Variants in TRHDE observed in about 807,000 individuals in gnomAD.
TRHDE encodes thyrotropin-releasing hormone-degrading ectoenzyme.
TRHDE carries 72 observed loss-of-function variants against 125.7 expected under a neutral mutation model. The observed-to-expected ratio is 0.57, with a 90% confidence interval of 0.47 to 0.70. The LOEUF (loss-of-function observed/expected upper bound fraction) is 0.70. Among genes scored for constraint, TRHDE ranks in the 30% least tolerant of loss-of-function variants. The pLI is 0.00. For synonymous variants in TRHDE, 509 were observed against 509.1 expected (o/e 1.00, Z 0.00); for missense variants, 1,110 against 1,327.1 (o/e 0.84, Z 2.54).
chr12:72,265,706 G>A (rs1330773418), intron 2 of TRHDE, among the ~76,000 whole-genome samples: 1 of 151,788 alleles, frequency 6.6e-6, no homozygotes, highest in Non-Finnish European at 1.5e-5. Flanking sequence ...TATAATTATT[G>A]TTGTATATTT....
intron 2 of TRHDE, chr12:72,303,263 TA>T (rs1341313667): frequency 6.6e-6 from 1 of 152,130 alleles, no homozygotes; most frequent in African/African-American, 2.4e-5. Flanking sequence ...CATTCCCTTT[TA>T]ATATTAGGAA....
At chr12:72,612,500 T>C (rs1480580765) in intron 12 of TRHDE, among the ~76,000 whole-genome samples, 1 of 152,212 alleles carries the variant, frequency 6.6e-6, no homozygotes, top group African/African-American at 2.4e-5. Flanking sequence ...AGCTTGCTTG[T>C]CAGTCCTGGC....
intron 2 of TRHDE, among the ~76,000 whole-genome samples, chr12:72,166,245 T>C (rs990069833): frequency 6.6e-6 from 1 of 152,222 alleles, no homozygotes; most frequent in Non-Finnish European, 1.5e-5. Flanking sequence ...CTGCCATATA[T>C]GTGGTTCATT....
At chr12:72,485,025 A>T (rs1877337715) in intron 5 of TRHDE, among the ~76,000 whole-genome samples, 1 of 152,084 alleles carries the variant, frequency 6.6e-6, no homozygotes, top group Non-Finnish European at 1.5e-5. Flanking sequence ...ACCAGGAGGG[A>T]CTTCTTCCTG....
rs1213834660 is a variant in TRHDE at position 72,665,841 on chromosome 12, G to T, written c.*2646G>T. The T allele has an allele frequency of 6.6e-6, 1 of 151,974 alleles. No homozygotes were observed. The allele number at this position is 151,974 out of a possible 1,614,324, so 9.4% of individuals were successfully genotyped here. On this transcript the variant is annotated 3_prime_UTR_variant, in exon 19 of 19. Coordinates refer to ENST00000261180, the MANE Select transcript of TRHDE (RefSeq NM_013381.3). ...TTTCCAGGTAACTCGTAAATAAAAA[G>T]ATTTCCCCATTTTTACACATTTTTT...
intron 12 of TRHDE, among the ~76,000 whole-genome samples, chr12:72,605,674 G>T (rs933140496): frequency 6.6e-6 from 1 of 152,104 alleles, no homozygotes; most frequent in Admixed American, 6.6e-5. Context: ...GGCAGGAAAA[G>T]ATCACTTTAA....
chr12:72,338,289 C>T (rs1418796908), intron 2 of TRHDE, among the ~76,000 whole-genome samples: 1 of 152,138 alleles, frequency 6.6e-6, no homozygotes, highest in Non-Finnish European at 1.5e-5. Context: ...GATTGTTTTT[C>T]TGCTTGGCAG....
In TRHDE at chr12:72,403,520, T is replaced by A. The variant is rs544033238; in HGVS notation, c.1315+25399T>A. Among the ~76,000 whole-genome samples the A allele has an allele frequency of 2.0e-5, 3 of 152,284 alleles. 1 individual carries two copies. In the South Asian group the frequency reaches 6.2e-4, roughly 32 times the overall value. The stretch of plus-strand genomic sequence containing the variant: ...TTTCACATATTTTCCGTGAGGAAAC[T>A]GAGGCTCAGAAAAATTAAAAGCTTG... On this transcript the variant is annotated intron_variant, in intron 3 of 18. Coordinates refer to ENST00000261180, the MANE Select transcript of TRHDE (RefSeq NM_013381.3).
Position 72,663,095 on chromosome 12 carries a change from C to CT in TRHDE, c.3113dup (p.Ser1039LeufsTer47). 1 of 1,612,980 alleles carries CT rather than the reference C, an allele frequency of 6.2e-7. No individual in the cohort carries two copies. Among genetic ancestry groups the CT allele is most frequent in the Non-Finnish European group, 8.5e-7 (1 of 1,179,388 alleles). ...AACTATGATGGGGTAGCTGCTGCTT[C>CT]TTTCTCACGAGCTGTGGAAACTGTC... On this transcript the variant is annotated frameshift_variant, in exon 19 of 19. Transcript: ENST00000261180. LOFTEE classifies it high-confidence loss of function.
intron 2 of TRHDE, among the ~76,000 whole-genome samples, chr12:72,301,181 T>G (rs1868256741): frequency 1.3e-5 from 2 of 152,238 alleles, no homozygotes; most frequent in South Asian, 2.1e-4. Flanking sequence ...AAATGGCAAG[T>G]CGGGCTGAAA....
At chr12:72,362,577 A>C (rs1470537127) in intron 2 of TRHDE, among the ~76,000 whole-genome samples, 2 of 150,222 alleles carry the variant, frequency 1.3e-5, no homozygotes, top group Non-Finnish European at 3.0e-5. Context: ...ATTAGATCCC[A>C]TTTGTCAATT....
At chr12:72,362,367 AG>A (rs1871136718) in intron 2 of TRHDE, among the ~76,000 whole-genome samples, 1 of 149,366 alleles carries the variant, frequency 6.7e-6, no homozygotes, top group Non-Finnish European at 1.5e-5. Flanking sequence ...TCTTCTTTTG[AG>A]AAGTGTCTGT....
chr12:72,417,022 G>A lies in TRHDE; in HGVS notation c.1315+38901G>A, dbSNP rs371998067. Among the ~76,000 whole-genome samples, 19 of 151,822 alleles carry A rather than the reference G, an allele frequency of 1.3e-4. No individual in the cohort carries two copies. In the East Asian group the frequency reaches 2.1e-3, roughly 17 times the overall value. ...ACATGGAATATCTGCCCCTTTTTTT[G>A]TGTTGTTTTTAATTTCTTTCATCAA... On this transcript the variant is annotated intron_variant, in intron 3 of 18. Coordinates refer to ENST00000261180, the MANE Select transcript of TRHDE (RefSeq NM_013381.3).
intron 2 of TRHDE, among the ~76,000 whole-genome samples, chr12:72,305,059 A>G (rs980433636): frequency 3.3e-5 from 5 of 152,300 alleles, no homozygotes; most frequent in Admixed American, 2.6e-4. Context: ...AACTTTTTCT[A>G]TTAGAATACT....
Position 72,304,955 on chromosome 12 carries a change from A to G in TRHDE, c.1188+18001A>G, listed in dbSNP as rs139220700. Reference sequence around the variant, plus strand: ...TGTAGATAAGCAGAAATTGGTCTTAATGTCCCACGTGTCTGTCATCTTATC... The same window carrying G: ...TGTAGATAAGCAGAAATTGGTCTTAGTGTCCCACGTGTCTGTCATCTTATC... On this transcript the variant is annotated intron_variant, in intron 2 of 18. Coordinates refer to ENST00000261180, the MANE Select transcript of TRHDE (RefSeq NM_013381.3). Among the ~76,000 whole-genome samples, 41 of 152,286 alleles carry G rather than the reference A, an allele frequency of 2.7e-4. No individual in the cohort carries two copies. In the East Asian group the frequency reaches 7.7e-3, roughly 29 times the overall value.
chr12:72,486,279 G>A (rs559316710), intron 5 of TRHDE, among the ~76,000 whole-genome samples: 1 of 152,224 alleles, frequency 6.6e-6, no homozygotes, highest in Non-Finnish European at 1.5e-5. Context: ...TCAAGTCCCA[G>A]GTGCTATAAT....
intron 3 of TRHDE, among the ~76,000 whole-genome samples, chr12:72,445,859 T>C (rs907794977): frequency 3.3e-5 from 5 of 152,012 alleles, no homozygotes; most frequent in Admixed American, 6.6e-5. Flanking sequence ...CTTTCTTTTT[T>C]CCCCCCGGCT....
At chr12:72,558,747 A>G (rs1870036955) in intron 7 of TRHDE, among the ~76,000 whole-genome samples, 1 of 152,120 alleles carries the variant, frequency 6.6e-6, no homozygotes, top group Non-Finnish European at 1.5e-5. Flanking sequence ...AATATGGTGG[A>G]AAGGGTGATC....
At chr12:72,264,991 T>A (rs1879033267) in intron 2 of TRHDE, among the ~76,000 whole-genome samples, 1 of 151,710 alleles carries the variant, frequency 6.6e-6, no homozygotes, top group South Asian at 2.1e-4. Context: ...ATAATTGAAT[T>A]TTTTGTGTAG....
Sources: gnomAD v4.1 joint callset for allele counts (sites outside exome capture counted in the v4.1 genomes callset) on GRCh38, gnomAD v4.1.1 for gene constraint, MANE v1.5 for transcripts, NCBI Gene and HGNC (gene_info 2026-07-23, HGNC 2026-07-21) for gene names.